Variants in PIGU observed in about 807,000 individuals in gnomAD.
PIGU encodes GPI-anchor transamidase component PIGU.
In PIGU, 24 loss-of-function variants were observed where a neutral mutation model predicts 49.9. The observed-to-expected ratio is 0.48, with a 90% CI of 0.35 to 0.68. PIGU has a LOEUF of 0.68. Among genes scored for constraint, PIGU ranks in the 30% least tolerant of loss-of-function variants. The pLI is 0.01. For synonymous variants in PIGU, 220 were observed against 205.7 expected, an observed-to-expected ratio of 1.07 and a Z score of -0.59; for missense variants, 490 against 532.6, an observed-to-expected ratio of 0.92 and a Z score of 0.79.
intron 2 of PIGU, among the ~76,000 whole-genome samples, chr20:34,651,563 T>C (rs1311295732): frequency 6.6e-6 from 1 of 152,146 alleles, no homozygotes; most frequent in East Asian, 1.9e-4. Flanking sequence ...CCTGCTTTTC[T>C]AGTTGTTCGT....
chr20:34,614,394 G>GT (rs1255300650), intron 7 of PIGU, among the ~76,000 whole-genome samples: 1 of 152,090 alleles, frequency 6.6e-6, no homozygotes, highest in African/African-American at 2.4e-5. Context: ...GGAGACCAAA[G>GT]TGGGTGGGTG....
At chr20:34,624,608 A>T (rs150963427) in intron 6 of PIGU, among the ~76,000 whole-genome samples, 2,365 of 152,326 alleles carry the variant, frequency 0.016, 21 homozygotes, top group Middle Eastern at 0.024. Flanking sequence ...AGGACCATCT[A>T]TTAGCATCTG....
intron 7 of PIGU, among the ~76,000 whole-genome samples, chr20:34,597,120 TC>T (rs1283558546): frequency 2.0e-5 from 3 of 152,086 alleles, no homozygotes; most frequent in Non-Finnish European, 4.4e-5. Context: ...TTGCCCAATG[TC>T]CCAAAAATTC....
At position 34,589,997 on chromosome 20, in the gene PIGU, A is replaced by G. The variant is rs377124285; in HGVS notation, c.628-1390T>C. Among the ~76,000 whole-genome samples the G allele has an allele frequency of 5.9e-5, 9 of 152,234 alleles. No homozygotes were observed. The East Asian group carries it at 7.7e-4, about 13-fold the overall frequency. On this transcript the variant is annotated intron_variant, in intron 7 of 11. Transcript: ENST00000217446. ...GTATGACAACAGCAATTATGAAACA[A>G]TATAGCAAAAATCTTAATATCTGTT...
intron 6 of PIGU, among the ~76,000 whole-genome samples, chr20:34,618,061 T>C (rs537636891): frequency 3.1e-4 from 47 of 152,256 alleles, no homozygotes; most frequent in African/African-American, 1.1e-3. Context: ...ATTAAACCTC[T>C]TTCTTTCGTA....
At chr20:34,664,112 C>G (rs1031180583) in intron 1 of PIGU, among the ~76,000 whole-genome samples, 4 of 152,200 alleles carry the variant, frequency 2.6e-5, no homozygotes, top group African/African-American at 9.6e-5. Context: ...TAATTGATAA[C>G]TGATCTGGGC....
At chr20:34,561,893 C>T (rs1422039560) in intron 11 of PIGU, among the ~76,000 whole-genome samples, 5 of 152,120 alleles carry the variant, frequency 3.3e-5, no homozygotes, top group Non-Finnish European at 4.4e-5. Context: ...AATCTCTACT[C>T]GATAACAGAC....
At chr20:34,644,365 T>G (rs1986265871) in intron 3 of PIGU, 139 bp from the exon 4 acceptor site, 3 of 618,458 alleles carry the variant, frequency 4.9e-6, no homozygotes, top group Non-Finnish European at 5.6e-6. Flanking sequence ...ACTTCAACCC[T>G]CACTTTGACT....
intron 7 of PIGU, among the ~76,000 whole-genome samples, chr20:34,597,040 G>C (rs956425277): frequency 6.6e-6 from 1 of 152,106 alleles, no homozygotes; most frequent in Non-Finnish European, 1.5e-5. Context: ...TATTTGGTTG[G>C]GGGGGTTGTA....
chr20:34,611,078 C>G (rs139462324), intron 7 of PIGU, among the ~76,000 whole-genome samples: 1 of 152,104 alleles, frequency 6.6e-6, no homozygotes, highest in African/African-American at 2.4e-5. Flanking sequence ...AAGACTTATA[C>G]GTAAAACCTA....
intron 1 of PIGU, among the ~76,000 whole-genome samples, chr20:34,663,244 A>G (rs533721297): frequency 6.6e-6 from 1 of 152,124 alleles, no homozygotes; most frequent in East Asian, 1.9e-4. Flanking sequence ...TTACCTATTA[A>G]AAAATAGGTA....
chr20:34,573,976 G>A (rs566102443), intron 11 of PIGU, among the ~76,000 whole-genome samples: 6 of 152,332 alleles, frequency 3.9e-5, no homozygotes, highest in Admixed American at 3.3e-4. Context: ...TTCTTTTCCC[G>A]CAGCTAACCT....
intron 7 of PIGU, among the ~76,000 whole-genome samples, chr20:34,605,586 A>G (rs1181569899): frequency 6.6e-6 from 1 of 152,206 alleles, no homozygotes; most frequent in African/African-American, 2.4e-5. Context: ...ACATGTATTA[A>G]CCCTTTGCAG....
At chr20:34,627,506 A>T (rs1046485912) in intron 6 of PIGU, among the ~76,000 whole-genome samples, 3 of 152,150 alleles carry the variant, frequency 2.0e-5, no homozygotes, top group Admixed American at 1.3e-4. Context: ...GATACATATA[A>T]CTTACTTACA....
At chr20:34,568,509 G>C (rs186330217) in intron 11 of PIGU, among the ~76,000 whole-genome samples, 1 of 152,096 alleles carries the variant, frequency 6.6e-6, no homozygotes, top group African/African-American at 2.4e-5. Flanking sequence ...ACACACAACC[G>C]GCAGGAAGAA....
At chr20:34,614,691 CATAA>C (rs554125334) in intron 7 of PIGU, among the ~76,000 whole-genome samples, 5 of 151,026 alleles carry the variant, frequency 3.3e-5, no homozygotes, top group African/African-American at 1.2e-4. Context: ...ATATCTCAAA[CATAA>C]ATAAAGACAT....
chr20:34,581,579 G>T lies in PIGU; in HGVS notation c.1020C>A (p.Ala340=), dbSNP rs781508413. The change falls in exon 10 of 12, where the codon GCC becomes GCA. Residue 340 remains alanine (A), a synonymous_variant. Coordinates refer to ENST00000217446, the MANE Select transcript of PIGU (RefSeq NM_080476.5). ...AGAGATGGTTCCACACGGGGAAGAAGGCCATGTAGAGCGCCACGTCCCCCA... is the reference window on the plus strand; with the variant it reads ...AGAGATGGTTCCACACGGGGAAGAATGCCATGTAGAGCGCCACGTCCCCCA... ...PTVGDVALYM[A]FFPVWNHLYR... 1 of 1,613,870 alleles carries T rather than the reference G, an allele frequency of 6.2e-7. No individual in the cohort carries two copies. Among genetic ancestry groups the T allele is most frequent in the Non-Finnish European group, 8.5e-7 (1 of 1,179,956 alleles).
intron 1 of PIGU, among the ~76,000 whole-genome samples, chr20:34,673,916 G>A (rs1052257323): frequency 6.6e-6 from 1 of 152,098 alleles, no homozygotes; most frequent in African/African-American, 2.4e-5. Context: ...AGCCAGGCAT[G>A]GTGGCATGTG....
intron 5 of PIGU, among the ~76,000 whole-genome samples, chr20:34,636,826 T>C (rs1334583998): frequency 1.3e-4 from 20 of 152,176 alleles, no homozygotes; most frequent in Admixed American, 1.3e-3. Context: ...TTAGCAGTTC[T>C]ACAGCCAAAG....
Sources: gnomAD v4.1 joint callset for allele counts (sites outside exome capture counted in the v4.1 genomes callset) on GRCh38, gnomAD v4.1.1 for gene constraint, MANE v1.5 for transcripts, NCBI Gene and HGNC (gene_info 2026-07-23, HGNC 2026-07-21) for gene names.